Variants in SLC38A9 observed in about 807,000 individuals in gnomAD.
The protein encoded by SLC38A9 is solute carrier family 38 member 9.
A neutral mutation model predicts 62.3 loss-of-function variants in SLC38A9; 48 were observed. The observed-to-expected ratio is 0.77, with a 90% CI of 0.61 to 0.98. The LOEUF is 0.98. SLC38A9 is among the 50% of genes least tolerant of loss of function. The pLI, the probability that SLC38A9 is intolerant of heterozygous loss-of-function variation, is 0.00. For synonymous variants in SLC38A9, 204 were observed against 227.7 expected (o/e 0.90, Z 0.94); for missense variants, 541 against 679.8 (o/e 0.80, Z 2.27).
intron 3 of SLC38A9, 160 bp from the exon 4 acceptor site, chr5:55,672,855 A>AGGCATTGACTTCTCACTTTT: frequency 1.6e-6 from 1 of 624,688 alleles, no homozygotes; most frequent in Non-Finnish European, 2.7e-6. Context: ...TTACAAAAGA[A>AGGCATTGACTTCTCACTTTT]GTATTATCCT....
chr5:55,707,626 C>T (rs916432730), intron 2 of SLC38A9, among the ~76,000 whole-genome samples: 1 of 152,150 alleles, frequency 6.6e-6, no homozygotes, highest in African/African-American at 2.4e-5. Context: ...CACTCAATCT[C>T]TGAGTTTTAA....
chr5:55,685,119 T>C (rs1448382912), intron 3 of SLC38A9, among the ~76,000 whole-genome samples: 4 of 152,214 alleles, frequency 2.6e-5, no homozygotes, highest in Admixed American at 2.0e-4. Context: ...TTTAAAAACA[T>C]TTTGTCAGCT....
chr5:55,637,971 A>C (rs191520781), intron 12 of SLC38A9, among the ~76,000 whole-genome samples: 1 of 143,310 alleles, frequency 7.0e-6, no homozygotes, highest in Non-Finnish European at 1.5e-5. Flanking sequence ...CATAGTTAAT[A>C]AACAATAATA....
At chr5:55,705,494 G>A (rs1456664497) in intron 2 of SLC38A9, among the ~76,000 whole-genome samples, 2 of 149,030 alleles carry the variant, frequency 1.3e-5, no homozygotes, top group Non-Finnish European at 3.0e-5. Flanking sequence ...GAAGCTCAGA[G>A]AAGTAATTTG....
At chr5:55,662,049 G>A (rs1749667521) in intron 8 of SLC38A9, among the ~76,000 whole-genome samples, 1 of 152,182 alleles carries the variant, frequency 6.6e-6, no homozygotes, top group Non-Finnish European at 1.5e-5. Context: ...TGGCAGGAGT[G>A]TAAGTAGTAC....
At chr5:55,647,805 C>T (rs1561329919) in intron 11 of SLC38A9, among the ~76,000 whole-genome samples, 1 of 152,172 alleles carries the variant, frequency 6.6e-6, no homozygotes, top group South Asian at 2.1e-4. Context: ...TTTAATAGCA[C>T]TATTGAAATA....
At position 55,633,520 on chromosome 5, in the gene SLC38A9, T is replaced by C. The variant is rs565498074; in HGVS notation, c.1430+234A>G. 1.8e-3 allele frequency: 840 copies of C among 458,494 alleles called. 2 individuals are homozygous for C. The highest frequency in any genetic ancestry group is 2.4e-3 in the Non-Finnish European group (619 of 259,846). 28.4% of individuals were successfully genotyped at this position (458,494 alleles called of 1,614,324 possible). ...AATTAAATAATAAGATAAATATAAA[T>C]GGTATCGGAGCTAATTAACTATACT... On this transcript the variant is annotated intron_variant, in intron 14 of 15. Transcript: ENST00000396865.
rs759452763 is a variant in SLC38A9 at position 55,669,218 on chromosome 5, A to T, written c.526+10T>A. Reference sequence around the variant, plus strand: ...ACCCATAATCTATTGTCACTGTGTCAAATTCTTACACATCATAGTCCGTGA... The same window carrying T: ...ACCCATAATCTATTGTCACTGTGTCTAATTCTTACACATCATAGTCCGTGA... On this transcript the variant is annotated intron_variant, in intron 7 of 15. Coordinates refer to ENST00000396865, the MANE Select transcript of SLC38A9 (RefSeq NM_173514.4). 35 of 1,602,152 alleles carry T rather than the reference A, an allele frequency of 2.2e-5. No homozygotes were observed. In the South Asian group the frequency reaches 3.8e-4, roughly 17 times the overall value.
chr5:55,636,366 A>G (rs189366002), intron 12 of SLC38A9, among the ~76,000 whole-genome samples: 1 of 152,300 alleles, frequency 6.6e-6, no homozygotes, highest in East Asian at 1.9e-4. Flanking sequence ...CATGCAAAGT[A>G]AAAAGCTCCA....
chr5:55,695,242 T>C (rs1290046865), intron 3 of SLC38A9, among the ~76,000 whole-genome samples: 5 of 151,524 alleles, frequency 3.3e-5, no homozygotes, highest in Non-Finnish European at 4.4e-5. Context: ...TTCTCTCATA[T>C]AGATTTTACA....
chr5:55,682,050 GAA>G (rs61074086), intron 3 of SLC38A9, among the ~76,000 whole-genome samples: 90,825 of 151,598 alleles, frequency 0.6, 27,783 homozygotes, highest in South Asian at 0.7. Context: ...CTCAGATGTG[GAA>G]AAGAGTCTTC....
At chr5:55,657,106 C>A (rs1748594575) in intron 8 of SLC38A9, among the ~76,000 whole-genome samples, 2 of 152,106 alleles carry the variant, frequency 1.3e-5, no homozygotes, top group South Asian at 2.1e-4. Context: ...CGTGATCCAC[C>A]CACCTCGGCC....
intron 9 of SLC38A9, 32 bp from the exon 10 acceptor site, chr5:55,652,755 T>C (rs751087814): frequency 9.3e-6 from 14 of 1,504,522 alleles, no homozygotes; most frequent in South Asian, 1.2e-5. Context: ...TTAAAGAAGA[T>C]GACAAAAAAC....
At chr5:55,700,232 T>C (rs1756462458) in intron 2 of SLC38A9, among the ~76,000 whole-genome samples, 1 of 151,852 alleles carries the variant, frequency 6.6e-6, no homozygotes, top group Admixed American at 6.6e-5. Context: ...TTCCAGCTTC[T>C]TGGGAGGCTG....
chr5:55,704,095 G>C (rs1253464532), intron 2 of SLC38A9: 2 of 152,290 alleles, frequency 1.3e-5, no homozygotes, highest in African/African-American at 4.8e-5. Flanking sequence ...TGGAGCAAGA[G>C]GGTTTGAGGT....
At chr5:55,686,311 T>C (rs1753813145) in intron 3 of SLC38A9, among the ~76,000 whole-genome samples, 2 of 152,250 alleles carry the variant, frequency 1.3e-5, no homozygotes, top group South Asian at 4.1e-4. Context: ...TTTTTAATAA[T>C]AACCATTCTG....
At chr5:55,691,402 A>G in intron 3 of SLC38A9, 6 of 1,280,110 alleles carry the variant, frequency 4.7e-6, no homozygotes, top group Non-Finnish European at 6.0e-6. Context: ...GCCCTGGGTA[A>G]TACTGGGCAT....
intron 7 of SLC38A9, among the ~76,000 whole-genome samples, chr5:55,666,618 C>T (rs1277200665): frequency 6.6e-6 from 1 of 152,160 alleles, no homozygotes; most frequent in African/African-American, 2.4e-5. Context: ...TTCGGCTGGG[C>T]ACGGTGGCTC....
chr5:55,630,571 C>T (rs766854485), intron 14 of SLC38A9, among the ~76,000 whole-genome samples: 53 of 152,274 alleles, frequency 3.5e-4, no homozygotes, highest in Admixed American at 7.2e-4. Context: ...CCGCCTTGGC[C>T]TCCCAAAGTG....
Sources: allele counts gnomAD v4.1 joint callset (sites outside exome capture counted in the v4.1 genomes callset), GRCh38; gene constraint gnomAD v4.1.1; transcripts MANE v1.5; gene names NCBI Gene and HGNC (gene_info 2026-07-23, HGNC 2026-07-21).